TRMT11: variants seen among roughly 807,000 people sequenced by gnomAD.
TRMT11 encodes tRNA methyltransferase 11, also known as tRNA (guanine(10)-N(2))-methyltransferase TRMT11.
TRMT11 carries 53 observed loss-of-function variants against 62.8 expected under a neutral mutation model. The ratio of observed to expected loss-of-function variants is 0.84; its 90% CI spans 0.68 to 1.06. The LOEUF (loss-of-function observed/expected upper bound fraction) is 1.06. TRMT11 is among the 50% of genes least tolerant of loss of function. TRMT11 has a pLI of 0.00. For missense variants in TRMT11, 556 were observed against 553.4 expected, an observed-to-expected ratio of 1.00 and a Z score of -0.05; for synonymous variants, 188 against 190.3, an observed-to-expected ratio of 0.99 and a Z score of 0.10.
chr6:126,100,456 G>A (rs1460741842), intron 17 of TRMT11, among the ~76,000 whole-genome samples: 2 of 152,096 alleles, frequency 1.3e-5, no homozygotes, highest in Non-Finnish European at 2.9e-5. Flanking sequence ...TCGTTATTGT[G>A]TTAGGAGTCT....
intron 17 of TRMT11, among the ~76,000 whole-genome samples, chr6:126,059,004 A>G (rs1393844221): frequency 1.3e-5 from 2 of 151,354 alleles, no homozygotes; most frequent in African/African-American, 2.4e-5. Context: ...TGAATCGAAG[A>G]ATGAATTGGC....
At chr6:126,059,928 T>C (rs1437218857) in intron 17 of TRMT11, among the ~76,000 whole-genome samples, 1 of 152,184 alleles carries the variant, frequency 6.6e-6, no homozygotes, top group East Asian at 1.9e-4. Flanking sequence ...GAACTGCATG[T>C]CACCACATCC....
At chr6:126,062,423 GTA>G (rs2128128166) in intron 17 of TRMT11, among the ~76,000 whole-genome samples, 1 of 152,280 alleles carries the variant, frequency 6.6e-6, no homozygotes, top group South Asian at 2.1e-4. Context: ...ATTGTAATAT[GTA>G]TATATCTGTG....
At chr6:126,066,756 G>A (rs1410130189) in intron 17 of TRMT11, among the ~76,000 whole-genome samples, 2 of 152,082 alleles carry the variant, frequency 1.3e-5, no homozygotes, top group African/African-American at 2.4e-5. Context: ...TGTCCTGAGG[G>A]CAGGGCAGTG....
chr6:126,208,814 A>G (rs1019456150), downstream of TRMT11, among the ~76,000 whole-genome samples: 4 of 152,246 alleles, frequency 2.6e-5, no homozygotes, highest in Non-Finnish European at 5.9e-5. Context: ...TCCAAAGGCA[A>G]TGAACATTCC....
chr6:126,191,266 T>G (rs1038029037), intron 1 of TRMT11, among the ~76,000 whole-genome samples: 3 of 152,140 alleles, frequency 2.0e-5, no homozygotes, highest in Admixed American at 1.3e-4. Flanking sequence ...TTCAGATCTT[T>G]TGTGTATTTT....
At chr6:126,170,986 C>T (rs566128230) in intron 21 of TRMT11, among the ~76,000 whole-genome samples, 1 of 152,176 alleles carries the variant, frequency 6.6e-6, no homozygotes, top group African/African-American at 2.4e-5. Flanking sequence ...TTTACTGTAC[C>T]AGGTGATTTT....
intron 1 of TRMT11, among the ~76,000 whole-genome samples, chr6:126,183,622 G>A (rs1778493076): frequency 6.6e-6 from 1 of 152,156 alleles, no homozygotes; most frequent in South Asian, 2.1e-4. Flanking sequence ...GTGCGTGTAA[G>A]CAATGGTACT....
chr6:126,233,238 C>T, the TRMT11 span, among the ~76,000 whole-genome samples: 1 of 152,134 alleles, frequency 6.6e-6, no homozygotes, highest in Non-Finnish European at 1.5e-5. Context: ...CTGAATGTGG[C>T]CTATACCCCA....
At chr6:126,115,113 C>T (rs79167308) in intron 19 of TRMT11, among the ~76,000 whole-genome samples, 2,323 of 152,138 alleles carry the variant, frequency 0.015, 51 homozygotes, top group African/African-American at 0.054. Context: ...CTAACATAGC[C>T]TAAATACCCA....
intron 17 of TRMT11, among the ~76,000 whole-genome samples, chr6:126,096,643 G>T (rs984822711): frequency 6.6e-6 from 1 of 151,756 alleles, no homozygotes; most frequent in African/African-American, 2.4e-5. Flanking sequence ...TTGTCTTTAA[G>T]CCTCTGTAAG....
chr6:126,024,434 G>A (rs1265654643), intron 12 of TRMT11, among the ~76,000 whole-genome samples: 4 of 152,110 alleles, frequency 2.6e-5, no homozygotes, highest in African/African-American at 4.8e-5. Flanking sequence ...TTTAGACAGT[G>A]TCTCACTCTA....
intron 16 of TRMT11, among the ~76,000 whole-genome samples, chr6:126,049,204 T>C (rs1310176565): frequency 6.6e-6 from 1 of 151,862 alleles, no homozygotes; most frequent in Non-Finnish European, 1.5e-5. Flanking sequence ...AACAGGGCAG[T>C]CTTCTGTTCT....
chr6:126,060,956 G>A (rs952459978), intron 17 of TRMT11, among the ~76,000 whole-genome samples: 5 of 152,202 alleles, frequency 3.3e-5, no homozygotes, highest in Admixed American at 2.0e-4. Context: ...TATTGGAGTG[G>A]GCAGTTTCAA....
chr6:126,184,394 T>G (rs1273102333), intron 1 of TRMT11, among the ~76,000 whole-genome samples: 1 of 152,210 alleles, frequency 6.6e-6, no homozygotes, highest in Non-Finnish European at 1.5e-5. Flanking sequence ...GACAATGTTC[T>G]TACTTTGAAG....
intron 17 of TRMT11, among the ~76,000 whole-genome samples, chr6:126,092,084 G>T (rs1245475029): frequency 6.6e-6 from 1 of 152,198 alleles, no homozygotes; most frequent in Non-Finnish European, 1.5e-5. Flanking sequence ...AAAACGGCCA[G>T]TTAAGGTAGT....
At chr6:126,088,203 GAATTA>G (rs1430008199) in intron 17 of TRMT11, among the ~76,000 whole-genome samples, 5 of 151,916 alleles carry the variant, frequency 3.3e-5, no homozygotes, top group African/African-American at 1.2e-4. Flanking sequence ...AAGTTAAATT[GAATTA>G]AATTTTATGA....
At chr6:126,218,036 A>G in the TRMT11 span, among the ~76,000 whole-genome samples, 2 of 152,146 alleles carry the variant, frequency 1.3e-5, no homozygotes, top group African/African-American at 4.8e-5. Flanking sequence ...ACCAGTGCCC[A>G]AGGCCTGCAG....
At chr6:126,170,561 T>G (rs1438606232) in intron 21 of TRMT11, among the ~76,000 whole-genome samples, 2 of 152,102 alleles carry the variant, frequency 1.3e-5, no homozygotes, top group African/African-American at 4.8e-5. Context: ...GTCTCATTTT[T>G]TTTTATCTAG....
Sources: gnomAD v4.1 joint callset for allele counts (sites outside exome capture counted in the v4.1 genomes callset) on GRCh38, gnomAD v4.1.1 for gene constraint, MANE v1.5 for transcripts, NCBI Gene and HGNC (gene_info 2026-07-23, HGNC 2026-07-21) for gene names.